The following CHSY3 variants were observed in gnomAD, a reference collection of about 807,000 sequenced individuals.
CHSY3 encodes chondroitin sulfate synthase 3, also known as N-acetylgalactosaminyl-proteoglycan 3-beta-glucuronosyltransferase 3.
In CHSY3, 35 loss-of-function variants were observed where a neutral mutation model predicts 67.2. That is an observed-to-expected ratio of 0.52 (90% CI 0.40 to 0.69). The LOEUF (loss-of-function observed/expected upper bound fraction) is 0.69. Ranked by LOEUF, CHSY3 falls within the 30% of genes least tolerant of loss-of-function variation. The probability of loss-of-function intolerance (pLI) is 0.00; values close to 1 mark genes in which losing one functional copy is unlikely to be tolerated. For missense variants in CHSY3, 1,069 were observed against 1,138.5 expected, an observed-to-expected ratio of 0.94 and a Z score of 0.88; for synonymous variants, 474 against 434.7, an observed-to-expected ratio of 1.09 and a Z score of -1.12.
At chr5:130,068,674 A>G (rs1354137215) in intron 2 of CHSY3, among the ~76,000 whole-genome samples, 1 of 152,114 alleles carries the variant, frequency 6.6e-6, no homozygotes, top group Non-Finnish European at 1.5e-5. Flanking sequence ...CTTATGAAAA[A>G]CACCATTTTA....
intron 2 of CHSY3, among the ~76,000 whole-genome samples, chr5:130,077,042 A>G (rs927818537): frequency 2.6e-5 from 4 of 151,780 alleles, no homozygotes; most frequent in African/African-American, 9.7e-5. Context: ...GCACATGTAT[A>G]CATATGTAAC....
intron 2 of CHSY3, among the ~76,000 whole-genome samples, chr5:129,935,428 A>T (rs1203361183): frequency 6.6e-6 from 1 of 152,208 alleles, no homozygotes; most frequent in Non-Finnish European, 1.5e-5. Context: ...AAGGACAGAC[A>T]TCACTCTTGA....
At chr5:130,174,936 C>A (rs1162742085) in intron 2 of CHSY3, among the ~76,000 whole-genome samples, 1 of 152,102 alleles carries the variant, frequency 6.6e-6, no homozygotes, top group African/African-American at 2.4e-5. Flanking sequence ...CCCTGAATTA[C>A]AATGAGACAT....
intron 2 of CHSY3, among the ~76,000 whole-genome samples, chr5:130,051,211 T>C (rs1250243431): frequency 1.3e-5 from 2 of 152,044 alleles, no homozygotes; most frequent in Non-Finnish European, 2.9e-5. Flanking sequence ...GAGGGAAACG[T>C]CATATTATGT....
chr5:129,917,170 G>A (rs1760756083), intron 2 of CHSY3, among the ~76,000 whole-genome samples: 1 of 152,136 alleles, frequency 6.6e-6, no homozygotes, highest in African/African-American at 2.4e-5. Context: ...CACTAGCTGT[G>A]TGGCCTTACA....
rs147357984 is a variant in CHSY3 at position 130,071,495 on chromosome 5, G to A, written c.1087-112734G>A. ...AGTTTATTTTGCCTCATAAAACTGC[G>A]CAAAATATAGCTGAGTAAAAAGATG... On this transcript the variant is annotated intron_variant, in intron 2 of 2. Transcript: ENST00000305031. 7.4e-4 allele frequency among the ~76,000 whole-genome samples: 112 copies of A among 151,390 alleles called. 2 individuals carry two copies. The South Asian group carries it at 0.018, about 24-fold the overall frequency.
chr5:129,928,116 G>A (rs1257345976), intron 2 of CHSY3, among the ~76,000 whole-genome samples: 1 of 151,824 alleles, frequency 6.6e-6, no homozygotes, highest in Admixed American at 6.6e-5. Flanking sequence ...GTGTCATGGG[G>A]GTTTGTTATA....
chr5:130,142,810 C>A (rs1768908598), intron 2 of CHSY3, among the ~76,000 whole-genome samples: 1 of 152,092 alleles, frequency 6.6e-6, no homozygotes, highest in South Asian at 2.1e-4. Flanking sequence ...TTCAGTGGGA[C>A]TGGAAGGGCC....
intron 2 of CHSY3, among the ~76,000 whole-genome samples, chr5:130,044,178 C>G (rs1199193416): frequency 2.0e-5 from 3 of 152,010 alleles, no homozygotes; most frequent in Non-Finnish European, 4.4e-5. Context: ...GAATGATTAT[C>G]TAGGAACTTC....
rs771393321 is a variant in CHSY3 at position 130,000,216 on chromosome 5, C to T, written c.1086+91856C>T. ...ATAGGGACATGCTAAGCATGCTTTTCCTTCTCTAAGTTAAAAATCATCGTA... is the reference window on the plus strand; with the variant it reads ...ATAGGGACATGCTAAGCATGCTTTTTCTTCTCTAAGTTAAAAATCATCGTA... On this transcript the variant is annotated intron_variant, in intron 2 of 2. Coordinates refer to ENST00000305031, the MANE Select transcript of CHSY3 (RefSeq NM_175856.5). Among the ~76,000 whole-genome samples, 230 of 152,242 alleles carry T rather than the reference C, an allele frequency of 1.5e-3. No individual in the cohort carries two copies. In the Middle Eastern group the frequency reaches 0.02, roughly 14 times the overall value.
intron 2 of CHSY3, among the ~76,000 whole-genome samples, chr5:130,081,321 G>A (rs956574878): frequency 4.7e-5 from 7 of 149,450 alleles, no homozygotes; most frequent in African/African-American, 1.7e-4. Flanking sequence ...ACAGGTGTGT[G>A]TGTTGGTGGG....
At chr5:129,915,135 A>T (rs1760692962) in intron 2 of CHSY3, among the ~76,000 whole-genome samples, 1 of 152,126 alleles carries the variant, frequency 6.6e-6, no homozygotes, top group African/African-American at 2.4e-5. Context: ...ATTGCATTTA[A>T]TTTTTATTAT....
intron 2 of CHSY3, among the ~76,000 whole-genome samples, chr5:129,959,351 T>C (rs545485954): frequency 2.0e-5 from 3 of 152,236 alleles, no homozygotes; most frequent in East Asian, 1.9e-4. Context: ...ATGTTGTTTT[T>C]TGATGCTTTC....
intron 2 of CHSY3, among the ~76,000 whole-genome samples, chr5:130,089,315 A>G (rs1232777028): frequency 4.6e-5 from 7 of 151,736 alleles, no homozygotes; most frequent in Non-Finnish European, 8.8e-5. Flanking sequence ...TGGCACATGT[A>G]TACATATGTA....
chr5:130,072,759 A>G (rs1766125189), intron 2 of CHSY3, among the ~76,000 whole-genome samples: 1 of 152,146 alleles, frequency 6.6e-6, no homozygotes, highest in Admixed American at 6.6e-5. Context: ...TGGTGTGGAC[A>G]TAGTAACAAT....
intron 2 of CHSY3, among the ~76,000 whole-genome samples, chr5:130,059,479 T>A (rs950702811): frequency 6.7e-6 from 1 of 150,332 alleles, no homozygotes; most frequent in African/African-American, 2.4e-5. Flanking sequence ...CTTATTTCCA[T>A]CTTTTCCATT....
At chr5:129,966,685 CT>C (rs1177687201) in intron 2 of CHSY3, among the ~76,000 whole-genome samples, 1 of 151,568 alleles carries the variant, frequency 6.6e-6, no homozygotes, top group Non-Finnish European at 1.5e-5. Context: ...TTACATGGAA[CT>C]TTTGCAGCTC....
intron 2 of CHSY3, among the ~76,000 whole-genome samples, chr5:130,117,707 C>T (rs904422612): frequency 1.3e-5 from 2 of 152,166 alleles, no homozygotes; most frequent in Non-Finnish European, 2.9e-5. Flanking sequence ...CCAAAAGTTT[C>T]TTCAAAACTA....
At chr5:130,133,679 C>T (rs142890982) in intron 2 of CHSY3, among the ~76,000 whole-genome samples, 3,143 of 146,276 alleles carry the variant, frequency 0.021, 119 homozygotes, top group African/African-American at 0.075. Context: ...GGCTGAGGCA[C>T]GAGAATTGCT....
Sources: gnomAD v4.1 joint callset for allele counts (sites outside exome capture counted in the v4.1 genomes callset) on GRCh38, gnomAD v4.1.1 for gene constraint, MANE v1.5 for transcripts, NCBI Gene and HGNC (gene_info 2026-07-23, HGNC 2026-07-21) for gene names.